DLG2: variants seen among roughly 807,000 people sequenced by gnomAD.
DLG2 encodes disks large homolog 2.
DLG2 carries 45 observed loss-of-function variants against 132.5 expected under a neutral mutation model. The ratio of observed to expected loss-of-function variants is 0.34; its 90% confidence interval spans 0.27 to 0.44. DLG2 has a LOEUF of 0.44. Ranked by LOEUF, DLG2 falls within the 20% of genes least tolerant of loss-of-function variation. The probability of loss-of-function intolerance (pLI) is 1.00; values close to 1 mark genes in which losing one functional copy is unlikely to be tolerated. For missense variants in DLG2, 1,045 were observed against 1,196.9 expected (o/e 0.87, Z 1.87); for synonymous variants, 424 against 419.6 (o/e 1.01, Z -0.13).
chr11:85,049,499 T>C (rs1182504870), intron 6 of DLG2, among the ~76,000 whole-genome samples: 1 of 152,004 alleles, frequency 6.6e-6, no homozygotes, highest in Non-Finnish European at 1.5e-5. Flanking sequence ...TTGGAGGGGC[T>C]GTACACTGTA....
rs143771021 is a variant in DLG2 at position 84,433,721 on chromosome 11, C to T, written c.519+100849G>A. Among the ~76,000 whole-genome samples the T allele has an allele frequency of 5.3e-5, 8 of 152,184 alleles. No homozygotes were observed. In the East Asian group the frequency reaches 7.7e-4, roughly 15 times the overall value. ...ATGTACAATTGCCAGGCATTTAGGTCCTTTTTGATTAAAGACATTTTTGGA... is the reference window on the plus strand; with the variant it reads ...ATGTACAATTGCCAGGCATTTAGGTTCTTTTTGATTAAAGACATTTTTGGA... On this transcript the variant is annotated intron_variant, in intron 7 of 27. Transcript: ENST00000376104.
At chr11:83,695,422 G>C (rs1223570401) in intron 18 of DLG2, among the ~76,000 whole-genome samples, 1 of 152,172 alleles carries the variant, frequency 6.6e-6, no homozygotes, top group Non-Finnish European at 1.5e-5. Flanking sequence ...GTGTGGGGAG[G>C]GGAAGAGGAT....
At chr11:84,952,042 A>G (rs1265933538) in intron 6 of DLG2, among the ~76,000 whole-genome samples, 1 of 152,202 alleles carries the variant, frequency 6.6e-6, no homozygotes, top group Non-Finnish European at 1.5e-5. Flanking sequence ...TAACCTTAAA[A>G]AGCTTATAAT....
chr11:83,807,559 T>G (rs1207742841), intron 17 of DLG2, among the ~76,000 whole-genome samples: 1 of 152,044 alleles, frequency 6.6e-6, no homozygotes, highest in African/African-American at 2.4e-5. Context: ...ACAAAGTGAA[T>G]GCTCAGTAAA....
chr11:84,849,800 C>T (rs1468629340), intron 6 of DLG2, among the ~76,000 whole-genome samples: 1 of 152,064 alleles, frequency 6.6e-6, no homozygotes, highest in Admixed American at 6.6e-5. Flanking sequence ...AAAGCTTGAA[C>T]ATCAAAAGAC....
chr11:84,583,314 G>A (rs1340804569), intron 6 of DLG2, among the ~76,000 whole-genome samples: 1 of 152,266 alleles, frequency 6.6e-6, no homozygotes, highest in East Asian at 1.9e-4. Flanking sequence ...AGCATCTGCT[G>A]TCACAGATGC....
At chr11:84,780,997 CA>C (rs372443245) in intron 6 of DLG2, among the ~76,000 whole-genome samples, 32,753 of 93,654 alleles carry the variant, frequency 0.35, 3,973 homozygotes, top group Middle Eastern at 0.42. Context: ...CAGGATTGTA[CA>C]AAAAAAAAAA....
chr11:85,357,233 C>T (rs2083770626), intron 3 of DLG2, among the ~76,000 whole-genome samples: 1 of 123,180 alleles, frequency 8.1e-6, no homozygotes, highest in Non-Finnish European at 1.7e-5. Flanking sequence ...CTTTCAATAT[C>T]CTCTTTGTGT....
chr11:83,910,576 C>A (rs763318244), intron 15 of DLG2, among the ~76,000 whole-genome samples: 22 of 152,090 alleles, frequency 1.4e-4, no homozygotes, highest in Admixed American at 2.6e-4. Flanking sequence ...ATGTTCCCAA[C>A]ACAAAGATAT....
chr11:83,681,355 T>C (rs896275500), intron 18 of DLG2, among the ~76,000 whole-genome samples: 1 of 152,034 alleles, frequency 6.6e-6, no homozygotes, highest in African/African-American at 2.4e-5. Flanking sequence ...CTGGAGCAAA[T>C]ACCCGGAGCC....
At chr11:84,590,114 G>T (rs895034696) in intron 6 of DLG2, among the ~76,000 whole-genome samples, 1 of 152,172 alleles carries the variant, frequency 6.6e-6, no homozygotes, top group Non-Finnish European at 1.5e-5. Flanking sequence ...CCTGTTGGAA[G>T]GGCAATAGTA....
chr11:85,564,454 C>T (rs2077421340), intron 3 of DLG2, among the ~76,000 whole-genome samples: 2 of 151,846 alleles, frequency 1.3e-5, no homozygotes, highest in Admixed American at 6.6e-5. Context: ...TTCACTTTTT[C>T]CACATTCTAG....
At chr11:84,743,282 A>G (rs769362968) in intron 6 of DLG2, among the ~76,000 whole-genome samples, 4 of 152,174 alleles carry the variant, frequency 2.6e-5, no homozygotes, top group Non-Finnish European at 2.9e-5. Flanking sequence ...ATCTATTAAC[A>G]CTGTTACAAC....
intron 7 of DLG2, among the ~76,000 whole-genome samples, chr11:84,499,278 G>A (rs2099194973): frequency 6.6e-6 from 1 of 152,148 alleles, no homozygotes; most frequent in African/African-American, 2.4e-5. Context: ...GATTAGATGA[G>A]ATATTAAGTG....
At chr11:84,978,206 G>C (rs1232195587) in intron 6 of DLG2, among the ~76,000 whole-genome samples, 3 of 152,128 alleles carry the variant, frequency 2.0e-5, no homozygotes, top group Non-Finnish European at 4.4e-5. Flanking sequence ...AAAGCTAAAG[G>C]AGTTTTCTAG....
chr11:84,001,898 A>T (rs532456818), intron 11 of DLG2, among the ~76,000 whole-genome samples: 1 of 152,314 alleles, frequency 6.6e-6, no homozygotes, highest in Admixed American at 6.5e-5. Flanking sequence ...AAAACAATTG[A>T]AAATGAAAAT....
chr11:83,556,825 C>G lies in DLG2; in HGVS notation c.1941-14967G>C, dbSNP rs75231549. On this transcript the variant is annotated intron_variant, in intron 19 of 27. Coordinates refer to ENST00000376104, the MANE Select transcript of DLG2 (RefSeq NM_001142699.3). ...CATTAATTATTGCTACAAAAGTCAG[C>G]ATCCAGTGGAAGGCAAGCTGGGATG... 5.7e-3 allele frequency among the ~76,000 whole-genome samples: 867 copies of G among 152,308 alleles called. 5 individuals are homozygous for G. The highest frequency in any genetic ancestry group is 0.02 in the African/African-American group (819 of 41,568).
At chr11:85,048,496 TTC>T (rs2062573094) in intron 6 of DLG2, among the ~76,000 whole-genome samples, 1 of 151,968 alleles carries the variant, frequency 6.6e-6, no homozygotes, top group Admixed American at 6.6e-5. Context: ...ACATTGTCTT[TTC>T]CACCTGTGGA....
At chr11:85,117,699 C>T (rs2073823662) in intron 5 of DLG2, among the ~76,000 whole-genome samples, 2 of 151,402 alleles carry the variant, frequency 1.3e-5, no homozygotes, top group Non-Finnish European at 1.5e-5. Context: ...ACATCCCCTT[C>T]CCCCAAAGCA....
Sources: gnomAD v4.1 joint callset for allele counts (sites outside exome capture counted in the v4.1 genomes callset) on GRCh38, gnomAD v4.1.1 for gene constraint, MANE v1.5 for transcripts, NCBI Gene and HGNC (gene_info 2026-07-23, HGNC 2026-07-21) for gene names.